Variants in PCDH15 observed in about 807,000 individuals in gnomAD.
PCDH15 encodes protocadherin related 15.
In PCDH15, 129 loss-of-function variants were observed where a neutral mutation model predicts 178.5. That is an observed-to-expected ratio of 0.72 (90% CI 0.63 to 0.84). The LOEUF is 0.84. Among genes scored for constraint, PCDH15 ranks in the 40% least tolerant of loss-of-function variants. The probability of loss-of-function intolerance (pLI) is 0.00; values close to 1 mark genes in which losing one functional copy is unlikely to be tolerated. For synonymous variants in PCDH15, 800 were observed against 732.0 expected, an observed-to-expected ratio of 1.09 and a Z score of -1.50; for missense variants, 2,230 against 2,099.9, an observed-to-expected ratio of 1.06 and a Z score of -1.21.
intron 2 of PCDH15, among the ~76,000 whole-genome samples, chr10:55,343,236 A>G (rs2131957294): frequency 1.3e-5 from 2 of 152,302 alleles, no homozygotes; most frequent in South Asian, 2.1e-4. Context: ...AGGAATTAAA[A>G]GATGTTTTCA....
chr10:55,387,906 T>C (rs550957301), intron 2 of PCDH15, among the ~76,000 whole-genome samples: 2 of 152,172 alleles, frequency 1.3e-5, no homozygotes, highest in Admixed American at 1.3e-4. Flanking sequence ...AATGTCTATG[T>C]TTGGATCATT....
chr10:54,263,404 A>G (rs1303845221), intron 8 of PCDH15, among the ~76,000 whole-genome samples: 3 of 152,164 alleles, frequency 2.0e-5, no homozygotes, highest in African/African-American at 7.2e-5. Context: ...TTCCCAGTGC[A>G]CTGTTGCGGA....
chr10:54,839,017 A>C (rs1416705714), intron 3 of PCDH15, among the ~76,000 whole-genome samples: 5 of 152,170 alleles, frequency 3.3e-5, no homozygotes, highest in Non-Finnish European at 7.4e-5. Flanking sequence ...TGTCACCCTG[A>C]GAATCCAACA....
At chr10:54,749,474 T>C (rs952507403) in intron 1 of PCDH15, among the ~76,000 whole-genome samples, 3 of 152,166 alleles carry the variant, frequency 2.0e-5, no homozygotes, top group African/African-American at 7.2e-5. Flanking sequence ...ATATCTGAAA[T>C]TCTGTAATAT....
chr10:54,996,387 C>A (rs1022116648), intron 2 of PCDH15, among the ~76,000 whole-genome samples: 20 of 152,156 alleles, frequency 1.3e-4, no homozygotes, highest in African/African-American at 3.9e-4. Context: ...GTTGAACAAG[C>A]CCAACCAATT....
intron 3 of PCDH15, among the ~76,000 whole-genome samples, chr10:54,815,274 T>A (rs1324557236): frequency 6.6e-6 from 1 of 152,116 alleles, no homozygotes; most frequent in Non-Finnish European, 1.5e-5. Context: ...ATTTTATTAT[T>A]TACTACCATG....
chr10:55,548,645 C>T (rs1245870257), intron 2 of PCDH15, among the ~76,000 whole-genome samples: 1 of 152,154 alleles, frequency 6.6e-6, no homozygotes, highest in Non-Finnish European at 1.5e-5. Flanking sequence ...AAGTTTAAAA[C>T]CCTCTGCCTT....
chr10:54,626,098 A>T (rs1297227564), intron 2 of PCDH15, among the ~76,000 whole-genome samples: 1 of 152,156 alleles, frequency 6.6e-6, no homozygotes, highest in African/African-American at 2.4e-5. Context: ...TGATTTAGGG[A>T]TATGTGGCAA....
chr10:54,196,566 A>G (rs991160835), intron 10 of PCDH15, among the ~76,000 whole-genome samples: 1 of 152,232 alleles, frequency 6.6e-6, no homozygotes, highest in Non-Finnish European at 1.5e-5. Flanking sequence ...AAAGAAAAAA[A>G]GTAACACAAA....
chr10:55,525,559 T>G (rs1841285751), intron 2 of PCDH15, among the ~76,000 whole-genome samples: 1 of 151,896 alleles, frequency 6.6e-6, no homozygotes, highest in Admixed American at 6.6e-5. Flanking sequence ...GTATTTCTGC[T>G]TATAAGGAAG....
chr10:54,660,083 G>A (rs1315220505), intron 2 of PCDH15, among the ~76,000 whole-genome samples: 1 of 151,986 alleles, frequency 6.6e-6, no homozygotes, highest in African/African-American at 2.4e-5. Context: ...AAAAATCAGA[G>A]CAGAACTAAA....
intron 3 of PCDH15, among the ~76,000 whole-genome samples, chr10:54,476,147 G>T (rs1232692872): frequency 1.3e-5 from 2 of 151,174 alleles, no homozygotes; most frequent in African/African-American, 4.8e-5. Context: ...CTATGATAAG[G>T]CTATTTTCTC....
intron 2 of PCDH15, among the ~76,000 whole-genome samples, chr10:55,353,323 T>C (rs1844991456): frequency 1.3e-5 from 2 of 152,158 alleles, no homozygotes; most frequent in Non-Finnish European, 2.9e-5. Context: ...TTGAGCCTAG[T>C]TATAATGACT....
rs544489442 is a variant in PCDH15, at chr10:54,453,436, T to C, written c.157+74376A>G. Among the ~76,000 whole-genome samples the C allele has an allele frequency of 4.0e-5, 6 of 151,824 alleles. No individual in the cohort carries two copies. In the East Asian group the frequency reaches 9.7e-4, roughly 25 times the overall value. On this transcript the variant is annotated intron_variant, in intron 3 of 37. Coordinates refer to ENST00000644397, the MANE Select transcript of PCDH15 (RefSeq NM_001384140.1). ...ACCAAACACCGCATGTTCTCACTCATAGGTGGGAATTGAACAATGAGAACA... is the reference window on the plus strand; with the variant it reads ...ACCAAACACCGCATGTTCTCACTCACAGGTGGGAATTGAACAATGAGAACA...
At chr10:54,523,273 G>A (rs967355314) in intron 3 of PCDH15, among the ~76,000 whole-genome samples, 3 of 152,092 alleles carry the variant, frequency 2.0e-5, no homozygotes, top group Admixed American at 2.0e-4. Context: ...CAATATATTA[G>A]TATATATCTA....
At chr10:54,891,060 G>T (rs1000385052) in intron 3 of PCDH15, among the ~76,000 whole-genome samples, 1 of 151,970 alleles carries the variant, frequency 6.6e-6, no homozygotes, top group African/African-American at 2.4e-5. Flanking sequence ...GAAATGAGTG[G>T]TCCTTTTGAC....
At chr10:55,550,931 T>A (rs1841991762) in intron 2 of PCDH15, among the ~76,000 whole-genome samples, 1 of 152,092 alleles carries the variant, frequency 6.6e-6, no homozygotes, top group South Asian at 2.1e-4. Flanking sequence ...AATATTTGAG[T>A]CAAAATATTT....
intron 1 of PCDH15, among the ~76,000 whole-genome samples, chr10:54,711,092 GTAATTACATCTGC>G (rs2095424057): frequency 1.3e-5 from 2 of 151,926 alleles, no homozygotes; most frequent in Non-Finnish European, 1.5e-5. Flanking sequence ...TTGCCATGTG[GTAATTACATCTGC>G]TAAAAGGGTA....
chr10:55,292,470 C>T (rs1378326540), intron 1 of PCDH15, among the ~76,000 whole-genome samples: 2 of 152,128 alleles, frequency 1.3e-5, no homozygotes, highest in African/African-American at 4.8e-5. Flanking sequence ...CTACCTCCAT[C>T]TCCCGGGTTC....
Sources: gnomAD v4.1 joint callset for allele counts (sites outside exome capture counted in the v4.1 genomes callset) on GRCh38, gnomAD v4.1.1 for gene constraint, MANE v1.5 for transcripts, NCBI Gene and HGNC (gene_info 2026-07-23, HGNC 2026-07-21) for gene names.